The following ARPP21 variants were observed in gnomAD, a reference collection of about 807,000 sequenced individuals.
ARPP21 encodes the protein cAMP regulated phosphoprotein 21.
Under a neutral mutation model 113.2 loss-of-function variants are expected in ARPP21, and 69 were observed. That is an observed-to-expected ratio of 0.61 (90% CI 0.50 to 0.74). ARPP21 has a LOEUF of 0.74. Among genes scored for constraint, ARPP21 ranks in the 30% least tolerant of loss-of-function variants. The probability of loss-of-function intolerance (pLI) is 0.00; values close to 1 mark genes in which losing one functional copy is unlikely to be tolerated. For synonymous variants in ARPP21, 368 were observed against 375.5 expected (o/e 0.98, Z 0.23); for missense variants, 1,070 against 1,037.4 (o/e 1.03, Z -0.43).
At chr3:35,762,126 T>TCTCTCTCTCA (rs1424526664) in intron 19 of ARPP21, among the ~76,000 whole-genome samples, 4 of 126,954 alleles carry the variant, frequency 3.2e-5, no homozygotes, top group African/African-American at 8.3e-5. Flanking sequence ...TCTCTCTCTC[T>TCTCTCTCTCA]CACACACACA....
At position 35,667,882 on chromosome 3, in the gene ARPP21, AGAAGAAGAG is replaced by A. The variant is rs1559547826; in HGVS notation, c.-212-11899_-212-11891del. Among the ~76,000 whole-genome samples the A allele has an allele frequency of 1.0e-4, 14 of 137,428 alleles. 1 individual carries two copies. The highest frequency in any genetic ancestry group is 1.6e-4 in the African/African-American group (5 of 31,978). The allele number at this position is 137,428 out of a possible 152,430, so 90.2% of individuals were successfully genotyped here. ...AAGAAGAAGAAGAAGAAGAAGAAGA[AGAAGAAGAG>A]GAAGAGGAAGAGGAAGAGGAAGGAG... On this transcript the variant is annotated intron_variant, in intron 1 of 20. Coordinates refer to ENST00000684406, the MANE Select transcript of ARPP21 (RefSeq NM_001385562.1).
intron 19 of ARPP21, among the ~76,000 whole-genome samples, chr3:35,777,749 G>T (rs2096413882): frequency 6.6e-6 from 1 of 152,116 alleles, no homozygotes; most frequent in African/African-American, 2.4e-5. Flanking sequence ...TCAGCCATCT[G>T]GTTCTGCAGC....
At chr3:35,757,533 C>T (rs1464405445) in intron 19 of ARPP21, among the ~76,000 whole-genome samples, 1 of 152,036 alleles carries the variant, frequency 6.6e-6, no homozygotes. Context: ...TCCAGCCTAG[C>T]TGAAAATTGT....
At chr3:35,753,972 T>G (rs1219976854) in intron 19 of ARPP21, among the ~76,000 whole-genome samples, 2 of 151,704 alleles carry the variant, frequency 1.3e-5, no homozygotes, top group Admixed American at 6.6e-5. Flanking sequence ...AAGGTTTTTT[T>G]TTTTTTTTTT....
At chr3:35,784,032 CTCTT>C (rs2096580888) in intron 19 of ARPP21, among the ~76,000 whole-genome samples, 1 of 152,182 alleles carries the variant, frequency 6.6e-6, no homozygotes. Context: ...GAAGTAAGTA[CTCTT>C]TCTTCAGTGA....
intron 1 of ARPP21, among the ~76,000 whole-genome samples, chr3:35,656,017 A>G (rs1704692375): frequency 6.6e-6 from 1 of 152,108 alleles, no homozygotes; most frequent in African/African-American, 2.4e-5. Flanking sequence ...AGATTTTATA[A>G]TCTAAAAACA....
At position 35,783,121 on chromosome 3, in the gene ARPP21, C is replaced by T. The variant is rs928201943; in HGVS notation, c.2138-9261C>T. ...TCTCATTTTCCTACTACTCCTCATT[C>T]CCCATCCAGGTTTTATTTTCTCAGC... is the stretch of plus-strand genomic sequence containing the variant. On this transcript the variant is annotated intron_variant, in intron 19 of 20. Coordinates refer to ENST00000684406, the MANE Select transcript of ARPP21 (RefSeq NM_001385562.1). Among the ~76,000 whole-genome samples, 5 of 152,232 alleles carry T rather than the reference C, an allele frequency of 3.3e-5. No homozygotes were observed. The South Asian group carries it at 6.2e-4, about 19-fold the overall frequency.
At chr3:35,764,292 A>C (rs1170364664) in intron 19 of ARPP21, among the ~76,000 whole-genome samples, 1 of 152,154 alleles carries the variant, frequency 6.6e-6, no homozygotes, top group African/African-American at 2.4e-5. Context: ...TATAATATGC[A>C]TGCTTTTGCA....
intron 1 of ARPP21, among the ~76,000 whole-genome samples, chr3:35,648,635 C>T (rs757557343): frequency 7.9e-5 from 12 of 152,098 alleles, no homozygotes; most frequent in Non-Finnish European, 1.3e-4. Flanking sequence ...CAGCACTGTG[C>T]CTCTGTGAAC....
intron 19 of ARPP21, among the ~76,000 whole-genome samples, chr3:35,768,905 T>C (rs1269138317): frequency 6.6e-6 from 1 of 152,180 alleles, no homozygotes; most frequent in African/African-American, 2.4e-5. Flanking sequence ...GAATTAGAAA[T>C]GTTATATGTT....
chr3:35,738,335 A>G lies in ARPP21; in HGVS notation c.1749+17A>G. On this transcript the variant is annotated intron_variant, in intron 17 of 20. Transcript: ENST00000684406. ...TTTCCCATGGTACTGTATTATGTGT[A>G]TATGACTTTTTCCCCTAGGAAAGCA... 1 of 1,504,560 alleles carries G rather than the reference A, an allele frequency of 6.6e-7. No individual in the cohort carries two copies. Among genetic ancestry groups the G allele is most frequent in the Non-Finnish European group, 8.9e-7 (1 of 1,118,654 alleles). The allele number at this position is 1,504,560 out of a possible 1,614,324, so 93.2% of individuals were successfully genotyped here.
intron 5 of ARPP21, chr3:35,684,557 T>C: frequency 1.0e-6 from 1 of 985,600 alleles, no homozygotes; most frequent in Non-Finnish European, 1.2e-6. Context: ...GTCTTGCTGC[T>C]GAAATTGTAC....
At chr3:35,677,223 A>G (rs2077731255) in intron 1 of ARPP21, among the ~76,000 whole-genome samples, 1 of 151,890 alleles carries the variant, frequency 6.6e-6, no homozygotes, top group Non-Finnish European at 1.5e-5. Context: ...AATTTGAATC[A>G]AATCTGACCT....
In ARPP21 at chr3:35,690,231, G is replaced by A. The variant is rs950062702; in HGVS notation, c.545+91G>A. The A allele has an allele frequency of 3.9e-5, 29 of 739,336 alleles. 1 individual carries two copies. Among genetic ancestry groups the A allele is most frequent in the South Asian group, 2.4e-4 (16 of 66,306 alleles). The allele number at this position is 739,336 out of a possible 1,614,324, so 45.8% of individuals were successfully genotyped here. A position where few individuals can be genotyped will look rare whatever the true frequency, so the allele number is the denominator to read the frequency against. On this transcript the variant is annotated intron_variant, in intron 8 of 20. Transcript: ENST00000684406. ...TCCATTCTGGAAAGACTTAGGGATA[G>A]ACAAAACATTGTTTAATATGTTCCT... is the stretch of plus-strand genomic sequence containing the variant.
chr3:35,711,486 A>G (rs1010512571), intron 11 of ARPP21, among the ~76,000 whole-genome samples: 2 of 152,152 alleles, frequency 1.3e-5, no homozygotes, highest in African/African-American at 2.4e-5. Context: ...GGTATTTTCT[A>G]TGTGTTAGCT....
rs564092240 is a variant in ARPP21, at chr3:35,731,624, T to TTA, written c.1459+2099_1459+2100dup. 8.1e-3 allele frequency among the ~76,000 whole-genome samples: 1,232 copies of TTA among 151,584 alleles called. 15 individuals carry two copies. The highest frequency in any genetic ancestry group is 0.058 in the Middle Eastern group (17 of 294). ...ATATATGCATTATATATAATGCATG[T>TTA]TATATATATATAGGTCTATCTTTAG... On this transcript the variant is annotated intron_variant, in intron 15 of 20. Coordinates refer to ENST00000684406, the MANE Select transcript of ARPP21 (RefSeq NM_001385562.1).
At chr3:35,668,011 GAAGAA>G (rs2075237169) in intron 1 of ARPP21, among the ~76,000 whole-genome samples, 3 of 149,984 alleles carry the variant, frequency 2.0e-5, no homozygotes, top group Admixed American at 6.6e-5. Flanking sequence ...AGAAGAAGAA[GAAGAA>G]GAAGAAGAAG....
chr3:35,641,273 A>G (rs1471690761), intron 1 of ARPP21: 1 of 152,192 alleles, frequency 6.6e-6, no homozygotes, highest in East Asian at 1.9e-4. Flanking sequence ...ACATTCCCCA[A>G]AGTTGAAATG....
chr3:35,665,595 A>G (rs2074151845), intron 1 of ARPP21, among the ~76,000 whole-genome samples: 1 of 152,322 alleles, frequency 6.6e-6, no homozygotes, highest in East Asian at 1.9e-4. Context: ...TTTGGAGGTA[A>G]GAGGTTATAT....
Sources: allele counts gnomAD v4.1 joint callset (sites outside exome capture counted in the v4.1 genomes callset), GRCh38; gene constraint gnomAD v4.1.1; transcripts MANE v1.5; gene names NCBI Gene and HGNC (gene_info 2026-07-23, HGNC 2026-07-21).